The following ADGRF1 variants were observed in gnomAD, a reference collection of about 807,000 sequenced individuals.
ADGRF1 encodes adhesion G protein-coupled receptor F1, also known as G protein-coupled receptor 110.
In ADGRF1, 85 loss-of-function variants were observed where a neutral mutation model predicts 87.2. That is an observed-to-expected ratio of 0.97 (90% confidence interval 0.82 to 1.17). ADGRF1 has a LOEUF of 1.17. Among genes scored for constraint, ADGRF1 ranks in the 50% most tolerant of loss-of-function variants. The pLI, the probability that ADGRF1 is intolerant of heterozygous loss-of-function variation, is 0.00. For missense variants in ADGRF1, 1,169 were observed against 1,077.2 expected (o/e 1.09, Z -1.19); for synonymous variants, 430 against 408.8 (o/e 1.05, Z -0.63).
rs542113464 is a variant in ADGRF1, at chr6:47,004,521, T to C, written c.2592+1296A>G. ...TGCTTTTGCTTTTGTTTTATTTTAC[T>C]TGGGAGTATTTTTCCTTCTTTGGTT... is the stretch of plus-strand genomic sequence containing the variant. On this transcript the variant is annotated intron_variant, in intron 13 of 14. Coordinates refer to ENST00000371253, the MANE Select transcript of ADGRF1 (RefSeq NM_153840.4). Among the ~76,000 whole-genome samples, 7 of 152,288 alleles carry C rather than the reference T, an allele frequency of 4.6e-5. No individual in the cohort carries two copies. The East Asian group carries it at 1.4e-3, about 29-fold the overall frequency.
intron 1 of ADGRF1, among the ~76,000 whole-genome samples, chr6:47,039,534 G>A (rs1473543852): frequency 2.0e-5 from 3 of 152,210 alleles, no homozygotes; most frequent in Admixed American, 1.3e-4. Flanking sequence ...CTTTCTTAGT[G>A]GTTTTGTGTA....
chr6:47,012,960 A>G, intron 9 of ADGRF1: 1 of 636,250 alleles, frequency 1.6e-6, no homozygotes, highest in Non-Finnish European at 2.0e-6. Context: ...CTTAGTAGAA[A>G]CAGGGGTTTC....
At chr6:47,003,393 T>C (rs546830547) in intron 13 of ADGRF1, among the ~76,000 whole-genome samples, 1 of 152,354 alleles carries the variant, frequency 6.6e-6, no homozygotes, top group South Asian at 2.1e-4. Flanking sequence ...GGAAGAAATT[T>C]ATATTCTGTA....
At chr6:47,040,181 G>A (rs1554138075) in intron 1 of ADGRF1, among the ~76,000 whole-genome samples, 2 of 150,820 alleles carry the variant, frequency 1.3e-5, no homozygotes, top group Non-Finnish European at 3.0e-5. Flanking sequence ...AGAGAACCAG[G>A]TGGCTGAGCG....
At position 46,999,959 on chromosome 6, in the gene ADGRF1, A is replaced by G. The variant is rs1307828981; in HGVS notation, c.*263T>C. 2 of 377,104 alleles carry G rather than the reference A, an allele frequency of 5.3e-6. No individual in the cohort carries two copies. Among genetic ancestry groups the G allele is most frequent in the African/African-American group, 4.1e-5 (2 of 49,296 alleles). 23.4% of individuals were successfully genotyped at this position (377,104 alleles called of 1,614,324 possible). ...AACCATATTTTATGGTCAGGGTACA[A>G]CTGACACGATTTCCAACAAAACCTA... On this transcript the variant is annotated 3_prime_UTR_variant, in exon 15 of 15. Coordinates refer to ENST00000371253, the MANE Select transcript of ADGRF1 (RefSeq NM_153840.4).
intron 1 of ADGRF1, among the ~76,000 whole-genome samples, chr6:47,036,671 C>G (rs955731962): frequency 6.6e-6 from 1 of 152,188 alleles, no homozygotes; most frequent in Non-Finnish European, 1.5e-5. Flanking sequence ...TTGTTTCAAA[C>G]CTACCAAAAC....
chr6:46,999,556 C>G lies in ADGRF1; in HGVS notation c.*666G>C, dbSNP rs36055916. ...ACACTTTTGTTTGCAGGGTTTAGGA[C>G]CAGATGGAAGTGCCTTGTAAACTGA... On this transcript the variant is annotated 3_prime_UTR_variant, in exon 15 of 15. Coordinates refer to ENST00000371253, the MANE Select transcript of ADGRF1 (RefSeq NM_153840.4). 34,954 of 152,120 alleles carry G rather than the reference C, an allele frequency of 0.23. 4,163 individuals are homozygous for G. The highest frequency in any genetic ancestry group is 0.36 in the South Asian group (1,757 of 4,822). The allele number at this position is 152,120 out of a possible 1,614,324, so 9.4% of individuals were successfully genotyped here.
At chr6:47,022,964 C>T (rs1780111503) in intron 5 of ADGRF1, among the ~76,000 whole-genome samples, 5 of 151,938 alleles carry the variant, frequency 3.3e-5, no homozygotes, top group Admixed American at 3.3e-4. Context: ...CACCACCACA[C>T]CTGTAAATAG....
At position 47,014,321 on chromosome 6, in the gene ADGRF1, T is replaced by C. The variant is rs1200928303; in HGVS notation, c.927+360A>G. 4 of 1,014,450 alleles carry C rather than the reference T, an allele frequency of 3.9e-6. No individual in the cohort carries two copies. In the African/African-American group the frequency reaches 6.9e-5, roughly 17 times the overall value. 62.8% of individuals were successfully genotyped at this position (1,014,450 alleles called of 1,614,324 possible). A position where few individuals can be genotyped will look rare whatever the true frequency, so the allele number is the denominator to read the frequency against. ...TACTTGTACTAAGCCTGCTGGCTTA[T>C]GACTCACACCTTCACTCTTCTCTTT... is the stretch of plus-strand genomic sequence containing the variant. On this transcript the variant is annotated intron_variant, in intron 9 of 14. Coordinates refer to ENST00000371253, the MANE Select transcript of ADGRF1 (RefSeq NM_153840.4).
At chr6:47,024,370 A>T in intron 4 of ADGRF1, 153 bp from the exon 5 acceptor site, 1 of 607,530 alleles carries the variant, frequency 1.6e-6, no homozygotes, top group South Asian at 2.2e-5. Flanking sequence ...GCTAGAATAC[A>T]GTGGCATGAT....
At position 47,029,088 on chromosome 6, in the gene ADGRF1, G is replaced by A. The variant is rs376137868; in HGVS notation, c.-27C>T. The A allele has an allele frequency of 9.4e-6, 15 of 1,595,060 alleles. No homozygotes were observed. The highest frequency in any genetic ancestry group is 9.5e-6 in the Non-Finnish European group (11 of 1,162,782). On this transcript the variant is annotated 5_prime_UTR_variant, in exon 2 of 15. Transcript: ENST00000371253. ...TTCCCTGGACTGAACAGCAGCAGTCGGGTGCATAGTCTGTGACTAAACAAG... is the reference window on the plus strand; with the variant it reads ...TTCCCTGGACTGAACAGCAGCAGTCAGGTGCATAGTCTGTGACTAAACAAG...
chr6:47,029,531 A>G (rs988564814), intron 1 of ADGRF1, among the ~76,000 whole-genome samples: 1 of 152,206 alleles, frequency 6.6e-6, no homozygotes, highest in Non-Finnish European at 1.5e-5. Context: ...AAGCATATAA[A>G]TAATAATGAA....
chr6:47,020,716 C>A lies in ADGRF1; in HGVS notation c.611+15G>T. 1.9e-6 allele frequency: 3 copies of A among 1,612,786 alleles called. No homozygotes were observed. The highest frequency in any genetic ancestry group is 2.5e-6 in the Non-Finnish European group (3 of 1,178,836). ...AATTCTGGGGATGCCCTTCTAAGAC[C>A]ATTGTGTTACTTACCGAAATTGGGT... On this transcript the variant is annotated intron_variant, in intron 7 of 14. Transcript: ENST00000371253.
At chr6:47,017,961 G>A in intron 7 of ADGRF1, 1 of 159,008 alleles carries the variant, frequency 6.3e-6, no homozygotes, top group Non-Finnish European at 1.4e-5. Context: ...CTCAATAAAA[G>A]AAATTATAGC....
chr6:47,006,773 C>G (rs931914913), intron 12 of ADGRF1, among the ~76,000 whole-genome samples: 7 of 152,100 alleles, frequency 4.6e-5, no homozygotes, highest in African/African-American at 7.2e-5. Flanking sequence ...TGAAAATATA[C>G]AATGCTTGGT....
chr6:47,024,148 C>T lies in ADGRF1; in HGVS notation c.347G>A (p.Cys116Tyr), dbSNP rs1192145355. ...EDSYTWFPPSCLDPQNCYLHT... is the reference protein window; with the variant it reads ...EDSYTWFPPSYLDPQNCYLHT... ...AAGGTAGCAGTTCTGGGGATCAAGG[C>T]ATGAGGGAGGAAACCAGGTGTAGCT... Residue 116 changes from cysteine to tyrosine, a missense_variant, in exon 5 of 15, where the codon TGC (cysteine) becomes TAC (tyrosine). Coordinates refer to ENST00000371253, the MANE Select transcript of ADGRF1 (RefSeq NM_153840.4). 3.7e-6 allele frequency: 6 copies of T among 1,614,028 alleles called. No homozygotes were observed. The East Asian group carries it at 1.3e-4, about 36-fold the overall frequency.
chr6:47,015,656 C>T (rs143246474), intron 8 of ADGRF1, among the ~76,000 whole-genome samples: 318 of 151,842 alleles, frequency 2.1e-3, no homozygotes, highest in African/African-American at 7.3e-3. Context: ...GGAGTGATCT[C>T]GGCTCACTGC....
chr6:47,002,900 A>T (rs1466966238), intron 13 of ADGRF1, among the ~76,000 whole-genome samples: 1 of 152,130 alleles, frequency 6.6e-6, no homozygotes, highest in Non-Finnish European at 1.5e-5. Context: ...CATTCCCTTC[A>T]GTCAACTATC....
intron 3 of ADGRF1, among the ~76,000 whole-genome samples, chr6:47,026,545 G>A (rs1358647571): frequency 6.6e-6 from 1 of 152,032 alleles, no homozygotes; most frequent in Non-Finnish European, 1.5e-5. Flanking sequence ...GAGGCTTGAT[G>A]CACCCTCACC....
Sources: gnomAD v4.1 joint callset for allele counts (sites outside exome capture counted in the v4.1 genomes callset) on GRCh38, gnomAD v4.1.1 for gene constraint, MANE v1.5 for transcripts, NCBI Gene and HGNC (gene_info 2026-07-23, HGNC 2026-07-21) for gene names.